Variants in KCNQ1 observed in about 807,000 individuals in gnomAD.
KCNQ1 encodes the protein potassium voltage-gated channel subfamily KQT member 1.
KCNQ1 carries 49 observed loss-of-function variants against 72.4 expected under a neutral mutation model. The ratio of observed to expected loss-of-function variants is 0.68; its 90% CI spans 0.54 to 0.86. The LOEUF (loss-of-function observed/expected upper bound fraction) is 0.86. KCNQ1 is among the 40% of genes least tolerant of loss of function. KCNQ1 has a pLI of 0.00. For synonymous variants in KCNQ1, 450 were observed against 412.6 expected, an observed-to-expected ratio of 1.09 and a Z score of -1.10; for missense variants, 790 against 945.1, an observed-to-expected ratio of 0.84 and a Z score of 2.15.
rs953074043 is a variant in KCNQ1 at position 2,748,957 on chromosome 11, G to C, written c.1515-19887G>C. On this transcript the variant is annotated intron_variant, in intron 11 of 15. Transcript: ENST00000155840. The surrounding 1 kb of genome is among the most constrained non-coding windows in gnomAD (Gnocchi z 6.2). ...GTCTAACTGGGGCTGTGCTGCCTTT[G>C]ACGTGAGCTATTCAAAATGGCGGGA... 3.3e-5 allele frequency among the ~76,000 whole-genome samples: 5 copies of C among 152,242 alleles called. No homozygotes were observed. The highest frequency in any genetic ancestry group is 5.9e-5 in the Non-Finnish European group (4 of 68,048).
rs35741361 is a variant in KCNQ1, at chr11:2,566,384, CGG to C, written c.478-4241_478-4240del. 6.6e-6 allele frequency among the ~76,000 whole-genome samples: 1 copy of C among 152,198 alleles called. No homozygotes were observed. Among genetic ancestry groups the C allele is most frequent in the Non-Finnish European group, 1.5e-5 (1 of 68,036 alleles). On this transcript the variant is annotated intron_variant, in intron 2 of 15. Coordinates refer to ENST00000155840, the MANE Select transcript of KCNQ1 (RefSeq NM_000218.3). The surrounding 1 kb of genome is among the most constrained non-coding windows in gnomAD (Gnocchi z 6.7). ...ACCCGAGGACACCTGTACCTTGTCC[CGG>C]GGCGGGGCTCTCTCTGCCATGGACG...
At position 2,782,391 on chromosome 11, in the gene KCNQ1, A is replaced by G. The variant is rs1040871267; in HGVS notation, c.1794+4354A>G. 1.3e-4 allele frequency among the ~76,000 whole-genome samples: 20 copies of G among 152,224 alleles called. No homozygotes were observed. The highest frequency in any genetic ancestry group is 1.8e-4 in the Non-Finnish European group (12 of 68,046). ...GTGCCAGTATTTATGTGTGAGATAC[A>G]TACATGACATAATTTTCCTGTCTTG... is the stretch of plus-strand genomic sequence containing the variant. On this transcript the variant is annotated intron_variant, in intron 15 of 15. Transcript: ENST00000155840. The surrounding 1 kb of genome is among the most constrained non-coding windows in gnomAD (Gnocchi z 6.1).
At chr11:2,797,311 A>G (rs1847157858) in intron 15 of KCNQ1, among the ~76,000 whole-genome samples, 1 of 152,158 alleles carries the variant, frequency 6.6e-6, no homozygotes, top group African/African-American at 2.4e-5. Context: ...CTGCAGACCA[A>G]GCGGTCACAT....
chr11:2,731,612 C>T (rs184399850), intron 11 of KCNQ1, among the ~76,000 whole-genome samples: 1 of 152,350 alleles, frequency 6.6e-6, no homozygotes, highest in East Asian at 1.9e-4. Context: ...GGAACAGACC[C>T]ATCTTTTGGG....
intron 11 of KCNQ1, among the ~76,000 whole-genome samples, chr11:2,730,073 G>A (rs1305768899): frequency 2.6e-5 from 4 of 152,056 alleles, no homozygotes; most frequent in Non-Finnish European, 5.9e-5. Flanking sequence ...AGCCCTGGCT[G>A]GCCCCGAGTG....
intron 15 of KCNQ1, among the ~76,000 whole-genome samples, chr11:2,810,293 T>C (rs1847460942): frequency 6.6e-6 from 1 of 152,216 alleles, no homozygotes; most frequent in East Asian, 1.9e-4. Flanking sequence ...GGGCACTTGG[T>C]GGGCTCTTTG....
At chr11:2,686,448 T>C in intron 11 of KCNQ1, 1 of 398,664 alleles carries the variant, frequency 2.5e-6, no homozygotes. Context: ...CTGCCAAGTT[T>C]CCACAATTGT....
intron 15 of KCNQ1, among the ~76,000 whole-genome samples, chr11:2,844,072 C>T (rs746367506): frequency 1.1e-4 from 17 of 152,206 alleles, no homozygotes; most frequent in African/African-American, 4.1e-4. Context: ...GGTCTGGCCT[C>T]GGCCATGGGA....
intron 1 of KCNQ1, among the ~76,000 whole-genome samples, chr11:2,465,802 A>G (rs1438917849): frequency 6.6e-6 from 1 of 152,222 alleles, no homozygotes; most frequent in East Asian, 1.9e-4. Context: ...TGAATGGTAC[A>G]GATCCACGGC....
chr11:2,584,016 CATA>C (rs549508182), intron 7 of KCNQ1, among the ~76,000 whole-genome samples: 441 of 152,028 alleles, frequency 2.9e-3, no homozygotes, highest in African/African-American at 4.9e-3. Context: ...TGCGTATGTG[CATA>C]ATATGTGTTT....
chr11:2,672,873 C>T (rs1222882044), intron 11 of KCNQ1: 7 of 398,630 alleles, frequency 1.8e-5, no homozygotes, highest in Non-Finnish European at 2.7e-5. Flanking sequence ...ACCCTAGCCA[C>T]CTGACTGTCA....
chr11:2,682,582 C>A lies in KCNQ1; in HGVS notation c.1514+20501C>A. 1 of 398,542 alleles carries A rather than the reference C, an allele frequency of 2.5e-6. No individual in the cohort carries two copies. The allele number at this position is 398,542 out of a possible 1,614,324, so 24.7% of individuals were successfully genotyped here. On this transcript the variant is annotated intron_variant, in intron 11 of 15. Coordinates refer to ENST00000155840, the MANE Select transcript of KCNQ1 (RefSeq NM_000218.3). The surrounding 1 kb of genome is among the most constrained non-coding windows in gnomAD (Gnocchi z 5.8). ...AAGGCTATGCTGGGGTTCAGGCAAC[C>A]CAAGGCTGGTCTGGAGAGTGTAAGG...
rs1846707567 is a variant in KCNQ1, at chr11:2,484,707, G to C, written c.386+39223G>C. Among the ~76,000 whole-genome samples, 1 of 152,156 alleles carries C rather than the reference G, an allele frequency of 6.6e-6. No homozygotes were observed. Among genetic ancestry groups the C allele is most frequent in the African/African-American group, 2.4e-5 (1 of 41,442 alleles). On this transcript the variant is annotated intron_variant, in intron 1 of 15. Transcript: ENST00000155840. This position sits in a 1 kb window ranked among gnomAD's most constrained non-coding sequence, Gnocchi z 5.2. ...TTAGAAACCCAGGCCTGGGTGCATG[G>C]TGTGCTCATCGCCACTGTGGACCTG...
intron 10 of KCNQ1, chr11:2,633,239 G>GT (rs1210031882): frequency 2.8e-5 from 11 of 398,344 alleles, no homozygotes; most frequent in Non-Finnish European, 4.4e-5. Context: ...ATAATCTGGT[G>GT]TTTTTTGCTG....
intron 2 of KCNQ1, among the ~76,000 whole-genome samples, chr11:2,557,249 C>G (rs1176066022): frequency 6.6e-6 from 1 of 152,188 alleles, no homozygotes; most frequent in Admixed American, 6.5e-5. Context: ...TATTAGAAGA[C>G]CTGACTGTAA....
intron 8 of KCNQ1, 63 bp from the exon 9 acceptor site, chr11:2,587,507 T>G (rs538989846): frequency 6.2e-7 from 1 of 1,608,852 alleles, no homozygotes; most frequent in South Asian, 1.1e-5. Context: ...GAGCTGTAGC[T>G]TCCATAAGGG....
chr11:2,534,202 G>A (rs1160550705), intron 2 of KCNQ1, among the ~76,000 whole-genome samples: 1 of 152,220 alleles, frequency 6.6e-6, no homozygotes, highest in Non-Finnish European at 1.5e-5. Flanking sequence ...GGCCCTCTCT[G>A]TGGAACAAGG....
rs1390835958 is a variant in KCNQ1 at position 2,478,204 on chromosome 11, G to A, written c.386+32720G>A. 2.6e-5 allele frequency among the ~76,000 whole-genome samples: 4 copies of A among 152,192 alleles called. No individual in the cohort carries two copies. The highest frequency in any genetic ancestry group is 9.7e-5 in the African/African-American group (4 of 41,448). Reference sequence around the variant, plus strand: ...CACATGGAGGGAGACACACACAGTGGCCTGAATACTTTGAAAATGCCAGGG... The same window carrying A: ...CACATGGAGGGAGACACACACAGTGACCTGAATACTTTGAAAATGCCAGGG... On this transcript the variant is annotated intron_variant, in intron 1 of 15. Coordinates refer to ENST00000155840, the MANE Select transcript of KCNQ1 (RefSeq NM_000218.3). The surrounding 1 kb of genome is among the most constrained non-coding windows in gnomAD (Gnocchi z 4.0).
chr11:2,445,318 C>G lies in KCNQ1; in HGVS notation c.220C>G (p.Pro74Ala). The stretch of plus-strand genomic sequence containing the variant: ...GTCCCCGGCCGCGCCCGCCGCGCCC[C>G]CAGTTGCCTCCGACCTTGGCCCGCG... ...PASPAAPAAP[P>A]VASDLGPRPP... Residue 74 changes from proline to alanine, a missense_variant, in exon 1 of 16, where the codon CCA becomes GCA. Pro to Ala is a conservative substitution (Grantham distance 27). Around this residue, in one of 5 missense-constraint regions of KCNQ1, gnomAD observed 294 missense variants for 323.3 expected, o/e 0.91. Transcript: ENST00000155840. 2 of 1,529,088 alleles carry G rather than the reference C, an allele frequency of 1.3e-6. No individual in the cohort carries two copies. Among genetic ancestry groups the G allele is most frequent in the Non-Finnish European group, 1.7e-6 (2 of 1,145,486 alleles). 94.7% of individuals were successfully genotyped at this position (1,529,088 alleles called of 1,614,324 possible). A position where few individuals can be genotyped will look rare whatever the true frequency, so the allele number is the denominator to read the frequency against.
Sources: allele counts gnomAD v4.1 joint callset (sites outside exome capture counted in the v4.1 genomes callset), GRCh38; gene constraint gnomAD v4.1.1; regional missense constraint gnomAD v4.1.1; non-coding constraint Gnocchi (gnomAD v3.1); transcripts MANE v1.5; gene names NCBI Gene and HGNC (gene_info 2026-07-23, HGNC 2026-07-21).